The following PDE6B variants were observed in gnomAD, a reference collection of about 807,000 sequenced individuals.
PDE6B encodes the protein phosphodiesterase 6B.
In PDE6B, 106 loss-of-function variants were observed where a neutral mutation model predicts 109.0. That is an observed-to-expected ratio of 0.97 (90% confidence interval 0.83 to 1.14). PDE6B has a LOEUF of 1.14. Ranked by LOEUF, PDE6B falls within the 50% of genes most tolerant of loss-of-function variation. The probability of loss-of-function intolerance (pLI) is 0.00; values close to 1 mark genes in which losing one functional copy is unlikely to be tolerated. For synonymous variants in PDE6B, 490 were observed against 471.3 expected (o/e 1.04, Z -0.51); for missense variants, 1,193 against 1,155.6 (o/e 1.03, Z -0.47).
Position 665,376 on chromosome 4 carries a change from G to A in PDE6B, c.2268+47G>A, listed in dbSNP as rs751213223. ...TTCCACTCCTGAAACGGGTGTTAGAGACCCCTCTTGGTCCTCAGGAGCCTC... is the reference window on the plus strand; with the variant it reads ...TTCCACTCCTGAAACGGGTGTTAGAAACCCCTCTTGGTCCTCAGGAGCCTC... On this transcript the variant is annotated intron_variant, in intron 19 of 21. Transcript: ENST00000496514. This position sits in a 1 kb window ranked among gnomAD's most constrained non-coding sequence, Gnocchi z 4.0. The A allele has an allele frequency of 1.2e-5, 16 of 1,365,404 alleles. No homozygotes were observed. Among genetic ancestry groups the A allele is most frequent in the South Asian group, 2.4e-5 (2 of 85,104 alleles). 84.6% of individuals were successfully genotyped at this position (1,365,404 alleles called of 1,614,324 possible).
intron 1 of PDE6B, among the ~76,000 whole-genome samples, chr4:632,423 T>G (rs972592396): frequency 6.6e-6 from 1 of 151,810 alleles, no homozygotes; most frequent in African/African-American, 2.4e-5. Context: ...AGGGTCACAT[T>G]GTGGGGATCT....
intron 2 of PDE6B, among the ~76,000 whole-genome samples, chr4:635,646 G>A (rs904740879): frequency 2.7e-5 from 4 of 150,936 alleles, no homozygotes; most frequent in South Asian, 2.1e-4. Flanking sequence ...TCTGCACATC[G>A]CTGTGCTCCT....
chr4:648,878 G>A lies in PDE6B; in HGVS notation c.712-4974G>A, dbSNP rs531339239. ...GCTGCAAGGGCGGAGGAGGTGCCCC[G>A]ACTCAGGTCAGGCATGGGAGGAGCG... On this transcript the variant is annotated intron_variant, in intron 3 of 21. Transcript: ENST00000496514. This position sits in a 1 kb window ranked among gnomAD's most constrained non-coding sequence, Gnocchi z 4.5. Among the ~76,000 whole-genome samples, 62 of 152,378 alleles carry A rather than the reference G, an allele frequency of 4.1e-4. No individual in the cohort carries two copies. Among genetic ancestry groups the A allele is most frequent in the African/African-American group, 1.3e-3 (54 of 41,594 alleles).
At position 662,577 on chromosome 4, in the gene PDE6B, T is replaced by C. The variant is rs1376345897; in HGVS notation, c.1791T>C (p.His597=). The C allele has an allele frequency of 3.1e-6, 5 of 1,612,646 alleles. No homozygotes were observed. Among genetic ancestry groups the C allele is most frequent in the Non-Finnish European group, 3.4e-6 (4 of 1,179,600 alleles). ...AFAMVTAGLC[H]DIDHRGTNNL... ...CCATGGTGACAGCCGGCCTGTGCCA[T>C]GACATCGACCACCGCGGCACCAACA... Residue 597 remains histidine, a synonymous_variant, in exon 14 of 22, where the codon CAT becomes CAC. Coordinates refer to ENST00000496514, the MANE Select transcript of PDE6B (RefSeq NM_000283.4). This position sits in a 1 kb window ranked among gnomAD's most constrained non-coding sequence, Gnocchi z 4.3.
At chr4:627,294 C>T (rs962066267) in intron 1 of PDE6B, among the ~76,000 whole-genome samples, 4 of 152,022 alleles carry the variant, frequency 2.6e-5, no homozygotes, top group Non-Finnish European at 5.9e-5. Context: ...TAGAGGTGCC[C>T]GCCACCACAC....
intron 12 of PDE6B, chr4:661,083 A>ATGGGTGGGTGGGCCAATGG (rs1737051531): frequency 7.0e-6 from 1 of 143,198 alleles, no homozygotes; most frequent in Non-Finnish European, 1.5e-5. Flanking sequence ...AAGTGAATGG[A>ATGGGTGGGTGGGCCAATGG]TAGGTGGATG....
intron 2 of PDE6B, among the ~76,000 whole-genome samples, chr4:635,156 C>T (rs1314313599): frequency 1.7e-5 from 2 of 118,268 alleles, no homozygotes; most frequent in Admixed American, 9.0e-5. Flanking sequence ...CCTGCCTGCC[C>T]GCGTGTTCTG....
chr4:656,105 A>AGTGAAG, intron 7 of PDE6B, 99 bp downstream of exon 7: 1 of 1,029,814 alleles, frequency 9.7e-7, no homozygotes, highest in South Asian at 1.3e-5. Flanking sequence ...CCTCCCGGCC[A>AGTGAAG]GCTCCACGTG....
At chr4:632,480 A>G (rs1368253376) in intron 1 of PDE6B, among the ~76,000 whole-genome samples, 1 of 149,892 alleles carries the variant, frequency 6.7e-6, no homozygotes, top group Non-Finnish European at 1.5e-5. Flanking sequence ...GCGTGGCAGC[A>G]TCTCTGGATC....
chr4:656,299 G>C lies in PDE6B; in HGVS notation c.1107+7G>C. On this transcript the variant is annotated splice_region_variant and intron_variant, in intron 8 of 21. Transcript: ENST00000496514. ...CGAAATGTTCAAATTTCAGGTATCT[G>C]TCTGTGCCTTGGTAGAAATTATACT... 6.6e-7 allele frequency: 1 copy of C among 1,512,424 alleles called. No individual in the cohort carries two copies. 93.7% of individuals were successfully genotyped at this position (1,512,424 alleles called of 1,614,324 possible).
intron 6 of PDE6B, chr4:655,660 G>C (rs1736134212): frequency 1.1e-5 from 6 of 551,896 alleles, no homozygotes; most frequent in Non-Finnish European, 2.0e-5. Context: ...TCAGAGAAGA[G>C]AGTAAATGCT....
intron 5 of PDE6B, chr4:654,504 G>A: frequency 3.4e-6 from 2 of 588,136 alleles, no homozygotes; most frequent in Non-Finnish European, 6.2e-6. Flanking sequence ...CAGCTTGTGT[G>A]TGGGATTGTG....
chr4:656,315 A>G (rs916019600), intron 8 of PDE6B, 23 bp downstream of exon 8: 1 of 1,407,128 alleles, frequency 7.1e-7, no homozygotes, highest in Admixed American at 1.7e-5. Context: ...GCCTTGGTAG[A>G]AATTATACTT....
chr4:635,831 TG>T (rs771201264), intron 2 of PDE6B, 48 bp from the exon 3 acceptor site: 1 of 976,044 alleles, frequency 1.0e-6, no homozygotes, highest in Non-Finnish European at 1.7e-6. Context: ...CGGGGGCACA[TG>T]TCTGAAAACT....
rs1406020048 is a variant in PDE6B, at chr4:667,724, C to G, written c.2353-132C>G. ...TTCACAGGGCTCTGCTGGGAAGGTGCCCCCTCCGTGGCGCTCCCTCCTCCT... is the reference window on the plus strand; with the variant it reads ...TTCACAGGGCTCTGCTGGGAAGGTGGCCCCTCCGTGGCGCTCCCTCCTCCT... On this transcript the variant is annotated intron_variant, in intron 20 of 21. Coordinates refer to ENST00000496514, the MANE Select transcript of PDE6B (RefSeq NM_000283.4). 9.8e-6 allele frequency: 9 copies of G among 917,462 alleles called. No homozygotes were observed. In the East Asian group the frequency reaches 2.3e-4, roughly 23 times the overall value. 56.8% of individuals were successfully genotyped at this position (917,462 alleles called of 1,614,324 possible).
chr4:625,621 G>A lies in PDE6B; in HGVS notation c.-6G>A, dbSNP rs1264166585. On this transcript the variant is annotated 5_prime_UTR_variant, in exon 1 of 22. Transcript: ENST00000496514. The surrounding 1 kb of genome is among the most constrained non-coding windows in gnomAD (Gnocchi z 5.0). ...GCAGCAGCGTCTCCAGGGACAGGCA[G>A]CCACCATGAGCCTCAGTGAGGAGCA... 2 of 1,599,938 alleles carry A rather than the reference G, an allele frequency of 1.3e-6. No homozygotes were observed. Among genetic ancestry groups the A allele is most frequent in the Non-Finnish European group, 1.7e-6 (2 of 1,167,326 alleles).
chr4:643,649 C>G (rs1293806277), intron 3 of PDE6B, among the ~76,000 whole-genome samples: 2 of 151,994 alleles, frequency 1.3e-5, no homozygotes, highest in Non-Finnish European at 2.9e-5. Flanking sequence ...TAGTTTGTGT[C>G]TTTCTAGTGA....
rs781189449 is a variant in PDE6B at position 663,061 on chromosome 4, C to G, written c.1833-39C>G. ...TGCAGAGCGCAGGGTGGGCCAAGGGCAGGTCCCACGGGCCTCACCTCCACC... is the reference window on the plus strand; with the variant it reads ...TGCAGAGCGCAGGGTGGGCCAAGGGGAGGTCCCACGGGCCTCACCTCCACC... On this transcript the variant is annotated intron_variant, in intron 14 of 21. Coordinates refer to ENST00000496514, the MANE Select transcript of PDE6B (RefSeq NM_000283.4). The surrounding 1 kb of genome is among the most constrained non-coding windows in gnomAD (Gnocchi z 4.0). The G allele has an allele frequency of 6.8e-6, 8 of 1,177,888 alleles. No individual in the cohort carries two copies. In the South Asian group the frequency reaches 9.7e-5, roughly 14 times the overall value. The allele number at this position is 1,177,888 out of a possible 1,614,324, so 73.0% of individuals were successfully genotyped here. A position where few individuals can be genotyped will look rare whatever the true frequency, so the allele number is the denominator to read the frequency against.
rs966628863 is a variant in PDE6B at position 633,486 on chromosome 4, C to T, written c.469-1191C>T. Among the ~76,000 whole-genome samples, 8 of 152,178 alleles carry T rather than the reference C, an allele frequency of 5.3e-5. No individual in the cohort carries two copies. The highest frequency in any genetic ancestry group is 1.9e-4 in the African/African-American group (8 of 41,442). On this transcript the variant is annotated intron_variant, in intron 1 of 21. Transcript: ENST00000496514. This position sits in a 1 kb window ranked among gnomAD's most constrained non-coding sequence, Gnocchi z 4.5. ...AGCAGGCTTCCTCTGACCTCTCAAC[C>T]TTGCTGCAGGGGAAGGGGGTGGAGG...
Sources: gnomAD v4.1 joint callset for allele counts (sites outside exome capture counted in the v4.1 genomes callset) on GRCh38, gnomAD v4.1.1 for gene constraint, Gnocchi (gnomAD v3.1) non-coding constraint, MANE v1.5 for transcripts, NCBI Gene and HGNC (gene_info 2026-07-23, HGNC 2026-07-21) for gene names.